Variants in COPS2 observed in about 807,000 individuals in gnomAD.
COPS2 encodes the protein COP9 signalosome complex subunit 2.
In COPS2, 10 loss-of-function variants were observed where a neutral mutation model predicts 66.1. The observed-to-expected ratio is 0.15, with a 90% CI of 0.09 to 0.26. COPS2 has a LOEUF of 0.26. Among genes scored for constraint, COPS2 ranks in the 10% least tolerant of loss-of-function variants. COPS2 has a pLI of 1.00. For missense variants in COPS2, 215 were observed against 513.3 expected (o/e 0.42, Z 5.62); for synonymous variants, 179 against 171.3 (o/e 1.04, Z -0.35).
At chr15:49,141,568 A>G (rs1369617450) in intron 3 of COPS2, among the ~76,000 whole-genome samples, 1 of 152,216 alleles carries the variant, frequency 6.6e-6, no homozygotes, top group Admixed American at 6.5e-5. Flanking sequence ...GCTCATTTAA[A>G]AAACAATTAC....
At chr15:49,150,295 A>T (rs2084350682) in intron 1 of COPS2, among the ~76,000 whole-genome samples, 1 of 151,586 alleles carries the variant, frequency 6.6e-6, no homozygotes, top group Non-Finnish European at 1.5e-5. Flanking sequence ...TAAATAAATA[A>T]AACCATTGAT....
chr15:49,131,202 G>T (rs1387504494), intron 9 of COPS2, among the ~76,000 whole-genome samples: 1 of 151,966 alleles, frequency 6.6e-6, no homozygotes, highest in Admixed American at 6.6e-5. Context: ...CATAATGAAA[G>T]GAACCAGGCT....
At chr15:49,149,383 T>C (rs929223146) in intron 1 of COPS2, among the ~76,000 whole-genome samples, 5 of 152,268 alleles carry the variant, frequency 3.3e-5, no homozygotes, top group Non-Finnish European at 5.9e-5. Flanking sequence ...AATGTGTTCA[T>C]CAACTCATCT....
intron 1 of COPS2, among the ~76,000 whole-genome samples, chr15:49,146,516 T>C (rs1365385159): frequency 6.6e-6 from 1 of 152,038 alleles, no homozygotes; most frequent in Non-Finnish European, 1.5e-5. Context: ...TAAATGGAAG[T>C]TTGCCCACTA....
At chr15:49,129,591 T>C (rs2084194165) in intron 10 of COPS2, 32 bp from the exon 11 acceptor site, 2 of 1,164,824 alleles carry the variant, frequency 1.7e-6, no homozygotes, top group East Asian at 2.8e-5. Flanking sequence ...TAACATTTTA[T>C]TTAACAGTTT....
chr15:49,144,938 T>C (rs190138782), intron 2 of COPS2, 27 bp downstream of exon 2: 12 of 1,300,888 alleles, frequency 9.2e-6, no homozygotes, highest in East Asian at 4.8e-5. Flanking sequence ...AATTAACACA[T>C]AGAATCAAAT....
At chr15:49,132,442 C>CT in intron 9 of COPS2, among the ~76,000 whole-genome samples, 1 of 150,822 alleles carries the variant, frequency 6.6e-6, no homozygotes, top group Middle Eastern at 3.5e-3. Context: ...ATGAAATAAG[C>CT]TATCTTCTCC....
At chr15:49,131,716 T>C (rs1404201079) in intron 9 of COPS2, among the ~76,000 whole-genome samples, 1 of 152,100 alleles carries the variant, frequency 6.6e-6, no homozygotes, top group East Asian at 1.9e-4. Flanking sequence ...CCAAATACAC[T>C]GCTGTAATAT....
At chr15:49,147,725 CAAAAAAAAAAAAA>C (rs34315247) in intron 1 of COPS2, among the ~76,000 whole-genome samples, 5 of 94,832 alleles carry the variant, frequency 5.3e-5, no homozygotes, top group Non-Finnish European at 1.0e-4. Context: ...GTTACAACTC[CAAAAAAAAAAAAA>C]AAAAAAAAAA....
chr15:49,139,720 G>A (rs1365637370), intron 3 of COPS2, 67 bp from the exon 4 acceptor site: 15 of 1,216,250 alleles, frequency 1.2e-5, no homozygotes, highest in Non-Finnish European at 1.7e-5. Context: ...ACATGATTAA[G>A]GTTATAGAAT....
intron 9 of COPS2, among the ~76,000 whole-genome samples, chr15:49,131,856 T>C (rs987014169): frequency 6.6e-6 from 1 of 152,218 alleles, no homozygotes; most frequent in African/African-American, 2.4e-5. Context: ...AAACATCTTA[T>C]ACAAAATTGT....
intron 1 of COPS2, among the ~76,000 whole-genome samples, chr15:49,150,081 A>G (rs1406370767): frequency 6.6e-6 from 1 of 151,842 alleles, no homozygotes; most frequent in African/African-American, 2.4e-5. Flanking sequence ...GATCACCAGG[A>G]GTTCGAGACC....
chr15:49,127,722 C>G lies in COPS2; in HGVS notation c.*228G>C. 2.3e-6 allele frequency: 1 copy of G among 441,620 alleles called. No homozygotes were observed. The highest frequency in any genetic ancestry group is 4.0e-6 in the Non-Finnish European group (1 of 248,526). The allele number at this position is 441,620 out of a possible 1,614,324, so 27.4% of individuals were successfully genotyped here. The stretch of plus-strand genomic sequence containing the variant: ...GTACGTTTAGGGCAAGATGTCAATA[C>G]AGCATAAATCCCATGGTATTTTGGT... On this transcript the variant is annotated 3_prime_UTR_variant, in exon 13 of 13. Transcript: ENST00000388901.
intron 6 of COPS2, among the ~76,000 whole-genome samples, chr15:49,136,184 C>T (rs989426893): frequency 1.3e-5 from 2 of 151,872 alleles, no homozygotes; most frequent in Admixed American, 1.3e-4. Context: ...TACATGGTGG[C>T]AAGCGTGGGG....
chr15:49,135,896 CA>C (rs1328587167), intron 6 of COPS2, among the ~76,000 whole-genome samples: 1 of 152,182 alleles, frequency 6.6e-6, no homozygotes, highest in East Asian at 1.9e-4. Context: ...AAAACTTCTT[CA>C]AAGGGTTTTC....
At chr15:49,136,790 T>C (rs2084255367) in intron 6 of COPS2, among the ~76,000 whole-genome samples, 1 of 151,832 alleles carries the variant, frequency 6.6e-6, no homozygotes, top group Non-Finnish European at 1.5e-5. Flanking sequence ...AGTTCAAGAC[T>C]AGCCTGGGCA....
chr15:49,128,159 G>A, intron 12 of COPS2, 65 bp from the exon 13 acceptor site: 1 of 1,503,822 alleles, frequency 6.6e-7, no homozygotes, highest in Non-Finnish European at 9.1e-7. Context: ...CTGGATTAAT[G>A]TTTCATAAAA....
intron 1 of COPS2, among the ~76,000 whole-genome samples, chr15:49,153,380 T>C (rs760988036): frequency 6.6e-6 from 1 of 151,248 alleles, no homozygotes; most frequent in Non-Finnish European, 1.5e-5. Flanking sequence ...ATTAGAATGG[T>C]TATTAATCAA....
chr15:49,128,689 G>C lies in COPS2; in HGVS notation c.1187+13C>G. On this transcript the variant is annotated intron_variant, in intron 12 of 12. Coordinates refer to ENST00000388901, the MANE Select transcript of COPS2 (RefSeq NM_004236.4). ...ACCAAATATTTTGTGATAAAAAATA[G>C]TAAAGTACTTACTTATCCAATATGC... The C allele has an allele frequency of 6.4e-7, 1 of 1,564,788 alleles. No homozygotes were observed. The highest frequency in any genetic ancestry group is 1.4e-5 in the African/African-American group (1 of 73,444).
Sources: allele counts gnomAD v4.1 joint callset (sites outside exome capture counted in the v4.1 genomes callset), GRCh38; gene constraint gnomAD v4.1.1; transcripts MANE v1.5; gene names NCBI Gene and HGNC (gene_info 2026-07-23, HGNC 2026-07-21).